The following ENOX1 variants were observed in gnomAD, a reference collection of about 807,000 sequenced individuals.
ENOX1 encodes ecto-NOX disulfide-thiol exchanger 1, also known as candidate growth-related and time keeping constitutive hydroquinone (NADH) oxidase.
Under a neutral mutation model 82.5 loss-of-function variants are expected in ENOX1, and 42 were observed. The observed-to-expected ratio is 0.51, with a 90% CI of 0.40 to 0.66. The LOEUF is 0.66. Among genes scored for constraint, ENOX1 ranks in the 30% least tolerant of loss-of-function variants. The pLI, the probability that ENOX1 is intolerant of heterozygous loss-of-function variation, is 0.00. For missense variants in ENOX1, 608 were observed against 811.6 expected (o/e 0.75, Z 3.05); for synonymous variants, 271 against 282.2 (o/e 0.96, Z 0.40).
chr13:43,381,715 T>TA (rs2052062108), intron 5 of ENOX1, among the ~76,000 whole-genome samples: 1 of 151,916 alleles, frequency 6.6e-6, no homozygotes, highest in African/African-American at 2.4e-5. Context: ...TTCCCATACA[T>TA]AAATATCAAG....
intron 5 of ENOX1, among the ~76,000 whole-genome samples, chr13:43,367,770 AG>A (rs2050946664): frequency 6.6e-6 from 1 of 152,000 alleles, no homozygotes; most frequent in Admixed American, 6.6e-5. Context: ...GGGGAGTGTC[AG>A]GGAAGGAATC....
At chr13:43,551,921 T>C (rs1412626570) in intron 2 of ENOX1, among the ~76,000 whole-genome samples, 2 of 152,226 alleles carry the variant, frequency 1.3e-5, no homozygotes, top group Non-Finnish European at 1.5e-5. Context: ...TTTGCTTCTT[T>C]AGTTTAGAAA....
intron 8 of ENOX1, among the ~76,000 whole-genome samples, chr13:43,352,336 C>G (rs2049860190): frequency 1.3e-5 from 2 of 152,206 alleles, no homozygotes; most frequent in Non-Finnish European, 2.9e-5. Context: ...TAAGGGGGTA[C>G]AAAGTACGTA....
chr13:43,381,570 G>GA (rs1340342929), intron 5 of ENOX1, among the ~76,000 whole-genome samples: 57 of 150,460 alleles, frequency 3.8e-4, no homozygotes, highest in African/African-American at 1.4e-3. Context: ...AAACTATAGA[G>GA]AAAATCAATG....
intron 12 of ENOX1, among the ~76,000 whole-genome samples, chr13:43,273,493 A>C (rs569726536): frequency 1.3e-5 from 2 of 152,250 alleles, no homozygotes; most frequent in Non-Finnish European, 2.9e-5. Flanking sequence ...CAAGTTTACC[A>C]CTCAGAATTC....
intron 1 of ENOX1, among the ~76,000 whole-genome samples, chr13:43,760,381 T>C (rs1950894855): frequency 6.6e-6 from 1 of 152,176 alleles, no homozygotes; most frequent in Admixed American, 6.5e-5. Flanking sequence ...TGAATGTTAG[T>C]ACTATGTATT....
intron 2 of ENOX1, among the ~76,000 whole-genome samples, chr13:43,519,986 A>G (rs1275405904): frequency 6.6e-6 from 1 of 152,122 alleles, no homozygotes; most frequent in Non-Finnish European, 1.5e-5. Flanking sequence ...TTGCTTTTTA[A>G]GTATTTACTA....
intron 3 of ENOX1, among the ~76,000 whole-genome samples, chr13:43,478,054 G>GTTTTT (rs756717438): frequency 1.0e-5 from 1 of 100,446 alleles, no homozygotes; most frequent in African/African-American, 4.0e-5. Flanking sequence ...AGCCAGAGAG[G>GTTTTT]TTTTTTTTTT....
chr13:43,579,436 T>C (rs2080601976), intron 2 of ENOX1, among the ~76,000 whole-genome samples: 2 of 152,230 alleles, frequency 1.3e-5, no homozygotes, highest in Admixed American at 6.5e-5. Context: ...GAACTGAAGC[T>C]GAGAAGTACA....
At chr13:43,732,656 G>A (rs2153822679) in intron 1 of ENOX1, among the ~76,000 whole-genome samples, 1 of 152,290 alleles carries the variant, frequency 6.6e-6, no homozygotes, top group East Asian at 1.9e-4. Context: ...AGAATAGTAA[G>A]ATATGTTGCC....
At chr13:43,605,019 C>T (rs2153733859) in intron 2 of ENOX1, among the ~76,000 whole-genome samples, 1 of 152,088 alleles carries the variant, frequency 6.6e-6, no homozygotes, top group Admixed American at 6.5e-5. Flanking sequence ...ACAACAGCTA[C>T]AGATAAAATG....
At chr13:43,306,316 G>A (rs528516324) in intron 11 of ENOX1, among the ~76,000 whole-genome samples, 1 of 152,272 alleles carries the variant, frequency 6.6e-6, no homozygotes, top group African/African-American at 2.4e-5. Flanking sequence ...CATCTCAGGA[G>A]GGGGCACTTT....
At chr13:43,389,778 T>C (rs941236571) in intron 5 of ENOX1, among the ~76,000 whole-genome samples, 3 of 152,216 alleles carry the variant, frequency 2.0e-5, no homozygotes, top group South Asian at 4.1e-4. Flanking sequence ...CAAGGCTAAA[T>C]ACAGTCATCT....
chr13:43,643,231 T>C (rs941618051), intron 2 of ENOX1, among the ~76,000 whole-genome samples: 2 of 152,122 alleles, frequency 1.3e-5, no homozygotes, highest in East Asian at 1.9e-4. Flanking sequence ...GGTAGGTACA[T>C]AGTGTTTGTG....
rs1314113420 is a variant in ENOX1, at chr13:43,470,306, A to ATG, written c.-75+13702_-75+13703insCA. 1.5e-3 allele frequency among the ~76,000 whole-genome samples: 61 copies of ATG among 39,516 alleles called. 1 individual carries two copies. Among genetic ancestry groups the ATG allele is most frequent in the Non-Finnish European group, 3.3e-3 (53 of 16,276 alleles). The allele number at this position is 39,516 out of a possible 152,430, so 25.9% of individuals were successfully genotyped here. On this transcript the variant is annotated intron_variant, in intron 3 of 16. Coordinates refer to ENST00000690772, the MANE Select transcript of ENOX1 (RefSeq NM_001347969.2). ...TACATATATATATACACATATATATACATATATATACACATATATATATGT... is the reference window on the plus strand; with the variant it reads ...TACATATATATATACACATATATATATGCATATATATACACATATATATATGT...
intron 2 of ENOX1, among the ~76,000 whole-genome samples, chr13:43,508,150 T>A (rs185286778): frequency 2.6e-5 from 4 of 152,134 alleles, no homozygotes; most frequent in Non-Finnish European, 5.9e-5. Context: ...AAGAGGTGGA[T>A]GGAAGCTTTG....
chr13:43,418,104 G>C (rs556411388), intron 3 of ENOX1, among the ~76,000 whole-genome samples: 2 of 152,254 alleles, frequency 1.3e-5, no homozygotes, highest in African/African-American at 4.8e-5. Context: ...AGCTACTCAG[G>C]AGGCTACGAC....
chr13:43,632,667 G>A (rs950931405), intron 2 of ENOX1, among the ~76,000 whole-genome samples: 2 of 151,928 alleles, frequency 1.3e-5, no homozygotes, highest in East Asian at 1.9e-4. Flanking sequence ...GGTTGGTCTC[G>A]AACTCTTGAC....
At chr13:43,444,295 CAGCAAGGAG>C (rs968419107) in intron 3 of ENOX1, among the ~76,000 whole-genome samples, 2 of 152,322 alleles carry the variant, frequency 1.3e-5, no homozygotes, top group East Asian at 1.9e-4. Context: ...TGTTAGTCAT[CAGCAAGGAG>C]AGCAAGGAGA....
Sources: allele counts gnomAD v4.1 joint callset (sites outside exome capture counted in the v4.1 genomes callset), GRCh38; gene constraint gnomAD v4.1.1; transcripts MANE v1.5; gene names NCBI Gene and HGNC (gene_info 2026-07-23, HGNC 2026-07-21).